Variants in GLI3 observed in about 807,000 individuals in gnomAD.
GLI3 encodes the protein transcription activator GLI3.
GLI3 carries 20 observed loss-of-function variants against 100.8 expected under a neutral mutation model. The ratio of observed to expected loss-of-function variants is 0.20; its 90% CI spans 0.14 to 0.29. The LOEUF is 0.29. Among genes scored for constraint, GLI3 ranks in the 10% least tolerant of loss-of-function variants. The pLI is 1.00. For missense variants in GLI3, 2,040 were observed against 2,128.5 expected (o/e 0.96, Z 0.82); for synonymous variants, 938 against 860.5 (o/e 1.09, Z -1.58).
intron 2 of GLI3, among the ~76,000 whole-genome samples, chr7:42,161,302 G>T (rs1447089603): frequency 6.6e-6 from 1 of 152,122 alleles, no homozygotes; most frequent in East Asian, 1.9e-4. Context: ...TGTTTTGTTG[G>T]AACACAGCCA....
chr7:41,997,165 T>C (rs2128720217), intron 10 of GLI3, among the ~76,000 whole-genome samples: 1 of 152,276 alleles, frequency 6.6e-6, no homozygotes, highest in South Asian at 2.1e-4. Flanking sequence ...GATGTTTCCA[T>C]ACATGATATA....
At chr7:42,040,440 G>A (rs182146229) in intron 6 of GLI3, among the ~76,000 whole-genome samples, 323 of 152,276 alleles carry the variant, frequency 2.1e-3, no homozygotes, top group Middle Eastern at 3.4e-3. Context: ...GGCTTACCTC[G>A]GGGGAGCTCT....
intron 3 of GLI3, among the ~76,000 whole-genome samples, chr7:42,096,375 C>T (rs73323682): frequency 0.067 from 10,149 of 152,218 alleles, 663 homozygotes; most frequent in African/African-American, 0.18. Flanking sequence ...AGTACAGGAA[C>T]GGGCTGGCTT....
At chr7:41,982,335 C>T (rs1420187349) in intron 10 of GLI3, among the ~76,000 whole-genome samples, 1 of 152,174 alleles carries the variant, frequency 6.6e-6, no homozygotes, top group Non-Finnish European at 1.5e-5. Context: ...TAACATATTT[C>T]CTAGAACTAG....
chr7:42,190,159 T>C lies in GLI3; in HGVS notation c.124+32971A>G, dbSNP rs961810569. On this transcript the variant is annotated intron_variant, in intron 2 of 14. Coordinates refer to ENST00000395925, the MANE Select transcript of GLI3 (RefSeq NM_000168.6). ...TACTGTCAAAAAAAAAAAAACAGTA[T>C]ATGGAATCATTTTTACAAGTTGAAA... 6.7e-5 allele frequency among the ~76,000 whole-genome samples: 10 copies of C among 148,834 alleles called. 1 individual carries two copies. Among genetic ancestry groups the C allele is most frequent in the African/African-American group, 2.2e-4 (9 of 40,636 alleles).
intron 2 of GLI3, among the ~76,000 whole-genome samples, chr7:42,219,536 GTACC>G (rs2128701259): frequency 6.6e-6 from 1 of 151,984 alleles, no homozygotes; most frequent in African/African-American, 2.4e-5. Context: ...TTTCTGAACT[GTACC>G]TTTTGGTTGT....
At chr7:42,132,001 T>C (rs1786288912) in intron 3 of GLI3, among the ~76,000 whole-genome samples, 1 of 152,162 alleles carries the variant, frequency 6.6e-6, no homozygotes, top group Non-Finnish European at 1.5e-5. Context: ...CAGTGACAAG[T>C]GCCCCTGGGA....
chr7:42,176,775 ACAGCCCAGCCCTCCTCAGTG>A (rs1327308437), intron 2 of GLI3, among the ~76,000 whole-genome samples: 1 of 152,220 alleles, frequency 6.6e-6, no homozygotes, highest in African/African-American at 2.4e-5. Flanking sequence ...CCCAGGGTCC[ACAGCCCAGCCCTCCTCAGTG>A]CAGCCCTGCC....
In GLI3 at chr7:41,965,794, C is replaced by T. The variant is rs1311807738; in HGVS notation, c.3279G>A (p.Pro1093=). Reference sequence around the variant, plus strand: ...AATTTAAATACTGCACCACGTCGTCCGGCAGGAAATCCTCATCGTTCAGGT... The same window carrying T: ...AATTTAAATACTGCACCACGTCGTCTGGCAGGAAATCCTCATCGTTCAGGT... ...DANLNDEDFL[P]DDVVQYLNSQ... The change falls in exon 15 of 15, where the codon CCG becomes CCA. Residue 1093 remains proline (P), a synonymous_variant. Coordinates refer to ENST00000395925, the MANE Select transcript of GLI3 (RefSeq NM_000168.6). 2 of 1,613,168 alleles carry T rather than the reference C, an allele frequency of 1.2e-6. No individual in the cohort carries two copies. Among genetic ancestry groups the T allele is most frequent in the African/African-American group, 1.3e-5 (1 of 74,748 alleles).
At chr7:42,080,937 T>C (rs969681425) in intron 3 of GLI3, among the ~76,000 whole-genome samples, 2 of 152,184 alleles carry the variant, frequency 1.3e-5, no homozygotes, top group African/African-American at 4.8e-5. Context: ...GCAGTGCAGC[T>C]GTGACGCATC....
intron 3 of GLI3, among the ~76,000 whole-genome samples, chr7:42,115,133 CTTTTTT>C (rs56200386): frequency 1.1e-4 from 11 of 99,644 alleles, no homozygotes; most frequent in African/African-American, 3.4e-4. Context: ...AATTTTCCTA[CTTTTTT>C]TTTTTTTTTT....
intron 3 of GLI3, among the ~76,000 whole-genome samples, chr7:42,114,271 G>A (rs1785790750): frequency 6.6e-6 from 1 of 152,210 alleles, no homozygotes; most frequent in African/African-American, 2.4e-5. Flanking sequence ...AGCATCAGAT[G>A]AAGACTTATT....
intron 2 of GLI3, among the ~76,000 whole-genome samples, chr7:42,202,378 ACACACT>A (rs772689891): frequency 3.6e-5 from 5 of 140,550 alleles, no homozygotes; most frequent in African/African-American, 1.3e-4. Context: ...ACACACACAC[ACACACT>A]CACACACACA....
intron 2 of GLI3, among the ~76,000 whole-genome samples, chr7:42,185,061 C>CTCCCA (rs1787691711): frequency 6.6e-6 from 1 of 152,080 alleles, no homozygotes; most frequent in Non-Finnish European, 1.5e-5. Context: ...TGAACACTGG[C>CTCCCA]TCCCATCCCA....
intron 2 of GLI3, among the ~76,000 whole-genome samples, chr7:42,187,425 A>C (rs566642078): frequency 6.6e-6 from 1 of 152,294 alleles, no homozygotes; most frequent in East Asian, 1.9e-4. Flanking sequence ...TGATGGCAAC[A>C]TAAGAGGAAA....
intron 2 of GLI3, among the ~76,000 whole-genome samples, chr7:42,194,745 TTCTC>T (rs941766912): frequency 6.3e-5 from 9 of 142,218 alleles, no homozygotes; most frequent in East Asian, 5.9e-4. Flanking sequence ...ATGCATCAAC[TTCTC>T]TCTCTGTCTC....
At chr7:42,176,634 C>CTA (rs1451654781) in intron 2 of GLI3, among the ~76,000 whole-genome samples, 1 of 152,236 alleles carries the variant, frequency 6.6e-6, no homozygotes, top group Non-Finnish European at 1.5e-5. Context: ...CTTCTTTAGC[C>CTA]CTAGGCTATT....
At chr7:42,182,855 G>A (rs756322510) in intron 2 of GLI3, among the ~76,000 whole-genome samples, 6 of 151,504 alleles carry the variant, frequency 4.0e-5, no homozygotes, top group Admixed American at 2.6e-4. Context: ...GGCAAAGTGC[G>A]CAGATCGTTT....
Position 41,967,667 on chromosome 7 carries a change from T to G in GLI3, c.2360A>C (p.Asn787Thr). 6.2e-7 allele frequency: 1 copy of G among 1,614,176 alleles called. No individual in the cohort carries two copies. Reference protein sequence around the residue: ...HVKLERLKQVNGMFPRLNPIL... With the variant: ...HVKLERLKQVTGMFPRLNPIL... ...GGGGTTCAGTCGCGGAAACATTCCA[T>G]TCACTTGTTTTAGCCTTTCTAGTTT... The change falls in exon 14 of 15, where the codon AAT (asparagine) becomes ACT (threonine). Residue 787 changes from asparagine to threonine, a missense_variant. Physicochemically the swap from Asn to Thr is moderately conservative, Grantham distance 65 (BLOSUM62 0). Coordinates refer to ENST00000395925, the MANE Select transcript of GLI3 (RefSeq NM_000168.6).
Sources: gnomAD v4.1 joint callset for allele counts (sites outside exome capture counted in the v4.1 genomes callset) on GRCh38, gnomAD v4.1.1 for gene constraint, MANE v1.5 for transcripts, NCBI Gene and HGNC (gene_info 2026-07-23, HGNC 2026-07-21) for gene names.